Variants in USP25 observed in about 807,000 individuals in gnomAD.
USP25 encodes ubiquitin specific peptidase 25, also known as ubiquitin carboxyl-terminal hydrolase 25.
A neutral mutation model predicts 158.5 loss-of-function variants in USP25; 85 were observed. That is an observed-to-expected ratio of 0.54 (90% confidence interval 0.45 to 0.64). The LOEUF is 0.64. Among genes scored for constraint, USP25 ranks in the 30% least tolerant of loss-of-function variants. The pLI, the probability that USP25 is intolerant of heterozygous loss-of-function variation, is 0.00. For synonymous variants in USP25, 464 were observed against 460.4 expected (o/e 1.01, Z -0.10); for missense variants, 1,242 against 1,327.3 (o/e 0.94, Z 1.00).
At chr21:15,768,142 G>A (rs2034148400) in intron 3 of USP25, among the ~76,000 whole-genome samples, 1 of 152,032 alleles carries the variant, frequency 6.6e-6, no homozygotes, top group Non-Finnish European at 1.5e-5. Flanking sequence ...AGTTTCTGAT[G>A]TCATCTCAAC....
intron 1 of USP25, among the ~76,000 whole-genome samples, chr21:15,759,404 A>T (rs1303771393): frequency 6.6e-6 from 1 of 152,154 alleles, no homozygotes; most frequent in Non-Finnish European, 1.5e-5. Flanking sequence ...CATGTGTCTA[A>T]GGTGGTTGGG....
chr21:15,787,925 C>T (rs1329464987), intron 4 of USP25, among the ~76,000 whole-genome samples: 3 of 127,100 alleles, frequency 2.4e-5, no homozygotes, highest in Non-Finnish European at 3.2e-5. Context: ...GTAAAACCAC[C>T]GTGTAATAAA....
chr21:15,877,728 A>G (rs2040153527), intron 24 of USP25, 68 bp from the exon 25 acceptor site: 1 of 1,119,380 alleles, frequency 8.9e-7, no homozygotes, highest in Admixed American at 2.6e-5. Context: ...CCTTATTAAT[A>G]CTTACAGATC....
intron 1 of USP25, among the ~76,000 whole-genome samples, chr21:15,762,337 G>A (rs918917909): frequency 3.3e-5 from 5 of 151,974 alleles, no homozygotes; most frequent in African/African-American, 1.2e-4. Flanking sequence ...TTCCCTTCCA[G>A]TACAATGCAG....
At position 15,874,439 on chromosome 21, in the gene USP25, T is replaced by C; in HGVS notation, c.2922T>C (p.Tyr974=). The C allele has an allele frequency of 1.2e-6, 2 of 1,610,830 alleles. No individual in the cohort carries two copies. The highest frequency in any genetic ancestry group is 1.7e-6 in the Non-Finnish European group (2 of 1,178,014). Reference sequence around the variant, plus strand: ...CCTTGCTGTTCCTCATCTGTGCTTATCAGAATAACAAAGAACTCTTGTCTA... The same window carrying C: ...CCTTGCTGTTCCTCATCTGTGCTTACCAGAATAACAAAGAACTCTTGTCTA... ...IDSLLFLICA[Y]QNNKELLSKG... Residue 974 remains tyrosine (Y), a synonymous_variant, in exon 24 of 26, where the codon TAT becomes TAC. Coordinates refer to ENST00000400183, the MANE Select transcript of USP25 (RefSeq NM_001283041.3).
chr21:15,772,443 G>C (rs2123466134), intron 3 of USP25, among the ~76,000 whole-genome samples: 1 of 152,260 alleles, frequency 6.6e-6, no homozygotes, highest in Admixed American at 6.5e-5. Flanking sequence ...CTGTTGAATT[G>C]TATTCACGCT....
chr21:15,740,352 A>G (rs1258811615), intron 1 of USP25, among the ~76,000 whole-genome samples: 5 of 152,226 alleles, frequency 3.3e-5, no homozygotes, highest in Admixed American at 2.0e-4. Context: ...TTGAATTATC[A>G]CAATACACCA....
intron 20 of USP25, among the ~76,000 whole-genome samples, chr21:15,863,816 T>C (rs2039535333): frequency 1.3e-5 from 2 of 151,466 alleles, no homozygotes; most frequent in Non-Finnish European, 2.9e-5. Flanking sequence ...GCGGGCGGAT[T>C]ATGAGGTCAG....
chr21:15,868,171 C>T (rs1434005834), intron 22 of USP25, among the ~76,000 whole-genome samples: 1 of 152,054 alleles, frequency 6.6e-6, no homozygotes, highest in African/African-American at 2.4e-5. Flanking sequence ...TGAAAGACTC[C>T]TGTGTAAAGC....
chr21:15,736,880 G>GTATA (rs2031570199), intron 1 of USP25, among the ~76,000 whole-genome samples: 1 of 144,744 alleles, frequency 6.9e-6, no homozygotes, highest in South Asian at 2.2e-4. Context: ...TTGGTCTGTT[G>GTATA]TATAATGCTT....
chr21:15,741,686 C>G (rs982036792), intron 1 of USP25, among the ~76,000 whole-genome samples: 1 of 152,080 alleles, frequency 6.6e-6, no homozygotes. Context: ...CACTCCTACA[C>G]GATAGGAATC....
Position 15,804,980 on chromosome 21 carries a change from A to T in USP25, c.643-141A>T, listed in dbSNP as rs1303742990. The stretch of plus-strand genomic sequence containing the variant: ...ATGGCACCAACACTCTACTTTCTTC[A>T]ATTATGATAGAGTGCTAATTCATCC... On this transcript the variant is annotated intron_variant, in intron 6 of 25. Coordinates refer to ENST00000400183, the MANE Select transcript of USP25 (RefSeq NM_001283041.3). 3 of 850,900 alleles carry T rather than the reference A, an allele frequency of 3.5e-6. No individual in the cohort carries two copies. In the Admixed American group the frequency reaches 1.2e-4, roughly 34 times the overall value. The allele number at this position is 850,900 out of a possible 1,614,324, so 52.7% of individuals were successfully genotyped here. A position where few individuals can be genotyped will look rare whatever the true frequency, so the allele number is the denominator to read the frequency against.
chr21:15,762,141 C>T (rs971624104), intron 1 of USP25, among the ~76,000 whole-genome samples: 1 of 151,842 alleles, frequency 6.6e-6, no homozygotes, highest in Non-Finnish European at 1.5e-5. Flanking sequence ...AAAAAGATTT[C>T]AATAGATCCT....
intron 7 of USP25, among the ~76,000 whole-genome samples, chr21:15,806,429 C>CTTTTTTTT (rs11289435): frequency 7.1e-6 from 1 of 140,188 alleles, no homozygotes; most frequent in Non-Finnish European, 1.6e-5. Context: ...TTTCTGGTTT[C>CTTTTTTTT]TTTTTTTTTT....
intron 20 of USP25, among the ~76,000 whole-genome samples, chr21:15,862,670 A>G (rs188807162): frequency 1.6e-3 from 241 of 150,918 alleles, no homozygotes; most frequent in Non-Finnish European, 2.8e-3. Flanking sequence ...AGCGTTGATA[A>G]TCTTAAATAT....
At chr21:15,790,269 A>G (rs1157524929) in intron 4 of USP25, among the ~76,000 whole-genome samples, 4 of 152,024 alleles carry the variant, frequency 2.6e-5, no homozygotes, top group South Asian at 4.1e-4. Context: ...GTCACTCTTA[A>G]GTGTGACAGA....
intron 1 of USP25, among the ~76,000 whole-genome samples, chr21:15,758,674 T>G (rs1257844434): frequency 3.3e-5 from 5 of 152,178 alleles, no homozygotes; most frequent in Non-Finnish European, 5.9e-5. Flanking sequence ...GAAAAAGATA[T>G]TTAATAGACT....
chr21:15,767,757 G>A (rs527795920), intron 3 of USP25, among the ~76,000 whole-genome samples: 2 of 152,032 alleles, frequency 1.3e-5, no homozygotes, highest in Non-Finnish European at 2.9e-5. Flanking sequence ...ACTAAACAGA[G>A]ATCATTGTTG....
intron 3 of USP25, among the ~76,000 whole-genome samples, chr21:15,773,496 G>A (rs957430445): frequency 6.6e-6 from 1 of 151,896 alleles, no homozygotes; most frequent in African/African-American, 2.4e-5. Flanking sequence ...CTCCCAGAGC[G>A]TGAGGGAAGT....
Sources: gnomAD v4.1 joint callset for allele counts (sites outside exome capture counted in the v4.1 genomes callset) on GRCh38, gnomAD v4.1.1 for gene constraint, MANE v1.5 for transcripts, NCBI Gene and HGNC (gene_info 2026-07-23, HGNC 2026-07-21) for gene names.